ZC3HAV1: variants seen among roughly 807,000 people sequenced by gnomAD.
ZC3HAV1 encodes the protein zinc finger CCCH-type containing, antiviral 1.
A neutral mutation model predicts 86.6 loss-of-function variants in ZC3HAV1; 41 were observed. The ratio of observed to expected loss-of-function variants is 0.47; its 90% CI spans 0.37 to 0.61. The LOEUF is 0.61. ZC3HAV1 is among the 20% of genes least tolerant of loss of function. The pLI is 0.00. For synonymous variants in ZC3HAV1, 421 were observed against 432.1 expected, an observed-to-expected ratio of 0.97 and a Z score of 0.32; for missense variants, 964 against 1,141.1, an observed-to-expected ratio of 0.84 and a Z score of 2.24.
intron 1 of ZC3HAV1, among the ~76,000 whole-genome samples, chr7:139,092,894 C>A (rs1025366371): frequency 1.3e-5 from 2 of 152,182 alleles, no homozygotes; most frequent in African/African-American, 4.8e-5. Context: ...TGACCTGCAG[C>A]CCCTTCCCTG....
intron 1 of ZC3HAV1, among the ~76,000 whole-genome samples, chr7:139,096,043 C>G (rs1817577925): frequency 6.6e-6 from 1 of 152,076 alleles, no homozygotes; most frequent in African/African-American, 2.4e-5. Context: ...AGACGGAGTT[C>G]CAGTCTTGTT....
intron 1 of ZC3HAV1, among the ~76,000 whole-genome samples, chr7:139,104,902 A>G (rs1290187184): frequency 6.7e-6 from 1 of 148,612 alleles, no homozygotes; most frequent in Non-Finnish European, 1.5e-5. Flanking sequence ...GTGTGGTGGC[A>G]CATGCTTGTA....
chr7:139,051,367 A>G (rs1490830832), intron 12 of ZC3HAV1, among the ~76,000 whole-genome samples: 1 of 132,614 alleles, frequency 7.5e-6, no homozygotes, highest in African/African-American at 2.8e-5. Flanking sequence ...TGGATCTGTT[A>G]TTTTTCTCTA....
At chr7:139,051,198 C>T (rs567012844) in intron 12 of ZC3HAV1, among the ~76,000 whole-genome samples, 4 of 152,006 alleles carry the variant, frequency 2.6e-5, no homozygotes, top group Admixed American at 2.6e-4. Flanking sequence ...GCTGGGATTA[C>T]AGGCATGGGC....
intron 12 of ZC3HAV1, among the ~76,000 whole-genome samples, chr7:139,050,561 G>T (rs1023849602): frequency 3.9e-5 from 6 of 151,944 alleles, no homozygotes; most frequent in Non-Finnish European, 5.9e-5. Flanking sequence ...GAGATGGGGG[G>T]GTTTCACCAT....
At chr7:139,052,717 G>A (rs1816169545) in intron 12 of ZC3HAV1, among the ~76,000 whole-genome samples, 1 of 151,652 alleles carries the variant, frequency 6.6e-6, no homozygotes, top group African/African-American at 2.4e-5. Flanking sequence ...GAGCTCAGGA[G>A]TTGAGACCAG....
intron 1 of ZC3HAV1, among the ~76,000 whole-genome samples, chr7:139,107,404 C>T (rs4732350): frequency 0.28 from 41,990 of 152,194 alleles, 6,357 homozygotes; most frequent in East Asian, 0.44. Context: ...TAAAAAAATA[C>T]ATTGCGTCCT....
intron 7 of ZC3HAV1, among the ~76,000 whole-genome samples, chr7:139,073,071 G>A (rs1043249828): frequency 2.6e-5 from 4 of 152,224 alleles, no homozygotes; most frequent in South Asian, 2.1e-4. Context: ...CGAGGTGGGC[G>A]GATAACCTGA....
chr7:139,098,329 ATAGT>A (rs1817665757), intron 1 of ZC3HAV1, among the ~76,000 whole-genome samples: 1 of 152,248 alleles, frequency 6.6e-6, no homozygotes, highest in Non-Finnish European at 1.5e-5. Flanking sequence ...AGAACAGTAA[ATAGT>A]ATACAAATTA....
intron 2 of ZC3HAV1, among the ~76,000 whole-genome samples, chr7:139,086,400 C>T (rs55946764): frequency 0.078 from 11,776 of 151,850 alleles, 588 homozygotes; most frequent in Admixed American, 0.11. Flanking sequence ...CTCCCCACCC[C>T]ACCCCACCCT....
chr7:139,093,923 T>C (rs1485402122), intron 1 of ZC3HAV1, among the ~76,000 whole-genome samples: 1 of 152,204 alleles, frequency 6.6e-6, no homozygotes, highest in Non-Finnish European at 1.5e-5. Context: ...GACTTTCTTC[T>C]GATCACTCTG....
rs2130705589 is a variant in ZC3HAV1 at position 139,079,666 on chromosome 7, G to A, written c.1275C>T (p.Gly425=). ...CATCAGCATTATTATTAAAAAGAGGGCCAGGCTGGATGTCCTGAGTTCCAC... is the reference window on the plus strand; with the variant it reads ...CATCAGCATTATTATTAAAAAGAGGACCAGGCTGGATGTCCTGAGTTCCAC... ...GKSGTQDIQP[G]PLFNNNADGV... Residue 425 remains glycine, a synonymous_variant, in exon 4 of 13, where the codon GGC becomes GGT. Coordinates refer to ENST00000242351, the MANE Select transcript of ZC3HAV1 (RefSeq NM_020119.4). 2 of 1,614,130 alleles carry A rather than the reference G, an allele frequency of 1.2e-6. No individual in the cohort carries two copies. Among genetic ancestry groups the A allele is most frequent in the East Asian group, 4.5e-5 (2 of 44,890 alleles).
At chr7:139,101,958 G>A (rs537389077) in intron 1 of ZC3HAV1, among the ~76,000 whole-genome samples, 1 of 149,984 alleles carries the variant, frequency 6.7e-6, no homozygotes, top group Admixed American at 6.6e-5. Context: ...ATTGTCCTAT[G>A]ACCCTGCTAA....
rs1815890866 is a variant in ZC3HAV1 at position 139,044,073 on chromosome 7, C to T, written c.*3521G>A. On this transcript the variant is annotated 3_prime_UTR_variant, in exon 13 of 13. Coordinates refer to ENST00000242351, the MANE Select transcript of ZC3HAV1 (RefSeq NM_020119.4). Reference sequence around the variant, plus strand: ...ATTATTCTGTACCCTGTACGACTGTCTAATGTCCTGCTGGACATTTAGGTA... The same window carrying T: ...ATTATTCTGTACCCTGTACGACTGTTTAATGTCCTGCTGGACATTTAGGTA... 1.3e-5 allele frequency: 2 copies of T among 152,334 alleles called. No homozygotes were observed. The highest frequency in any genetic ancestry group is 4.8e-5 in the African/African-American group (2 of 41,572). 9.4% of individuals were successfully genotyped at this position (152,334 alleles called of 1,614,324 possible).
intron 1 of ZC3HAV1, among the ~76,000 whole-genome samples, chr7:139,102,245 C>T (rs1435381355): frequency 1.3e-5 from 2 of 152,130 alleles, no homozygotes; most frequent in East Asian, 1.9e-4. Flanking sequence ...GTGATCCTCC[C>T]GCCTCAGCCT....
intron 12 of ZC3HAV1, among the ~76,000 whole-genome samples, chr7:139,048,229 A>C (rs1036485144): frequency 2.0e-5 from 3 of 152,312 alleles, no homozygotes; most frequent in African/African-American, 4.8e-5. Context: ...ACTCTAAAAC[A>C]ACCTCAGATA....
intron 1 of ZC3HAV1, among the ~76,000 whole-genome samples, chr7:139,102,747 A>G (rs1373967077): frequency 1.1e-5 from 1 of 94,154 alleles, no homozygotes; most frequent in African/African-American, 3.6e-5. Flanking sequence ...ACACACACAC[A>G]CACACACACA....
At position 139,084,001 on chromosome 7, in the gene ZC3HAV1, T is replaced by A. The variant is rs1385487784; in HGVS notation, c.476A>T (p.Gln159Leu). ...CGGTGGCTGCTGGTTACAAATCTGC[T>A]GCCGACCCTCTCCCTTATAACTTTT... ...ICKSYKGEGRQQICNQQPPCS... is the reference protein window; with the variant it reads ...ICKSYKGEGRLQICNQQPPCS... Residue 159 changes from glutamine to leucine, a missense_variant, in exon 3 of 13, where the codon CAG (glutamine) becomes CTG (leucine). By Grantham distance (113) the Gln-to-Leu change is moderately radical (BLOSUM62 -2). Coordinates refer to ENST00000242351, the MANE Select transcript of ZC3HAV1 (RefSeq NM_020119.4). 6.2e-6 allele frequency: 10 copies of A among 1,614,132 alleles called. No individual in the cohort carries two copies. The highest frequency in any genetic ancestry group is 7.6e-6 in the Non-Finnish European group (9 of 1,180,020).
rs762612200 is a variant in ZC3HAV1 at position 139,073,860 on chromosome 7, TCTC to T, written c.1865_1867del (p.Gly622del). 4 of 1,611,652 alleles carry T rather than the reference TCTC, an allele frequency of 2.5e-6. No homozygotes were observed. In the South Asian group the frequency reaches 4.4e-5, roughly 18 times the overall value. ...ACAAGGAGGAACAGTGCTCACCTCTTCTCCATACTGAATCCATGTGCCAGATTC... is the reference window on the plus strand; with the variant it reads ...ACAAGGAGGAACAGTGCTCACCTCTTCATACTGAATCCATGTGCCAGATTC... On this transcript the variant is annotated inframe_deletion, in exon 7 of 13. Coordinates refer to ENST00000242351, the MANE Select transcript of ZC3HAV1 (RefSeq NM_020119.4).
Sources: gnomAD v4.1 joint callset for allele counts (sites outside exome capture counted in the v4.1 genomes callset) on GRCh38, gnomAD v4.1.1 for gene constraint, MANE v1.5 for transcripts, NCBI Gene and HGNC (gene_info 2026-07-23, HGNC 2026-07-21) for gene names.